Variants in DLGAP2 observed in about 807,000 individuals in gnomAD.
DLGAP2 encodes DLG associated protein 2.
In DLGAP2, 26 loss-of-function variants were observed where a neutral mutation model predicts 100.3. The observed-to-expected ratio is 0.26, with a 90% CI of 0.19 to 0.36. DLGAP2 has a LOEUF of 0.36. Ranked by LOEUF, DLGAP2 falls within the 10% of genes least tolerant of loss-of-function variation. The pLI, the probability that DLGAP2 is intolerant of heterozygous loss-of-function variation, is 1.00. For synonymous variants in DLGAP2, 886 were observed against 630.1 expected (o/e 1.41, Z -6.08); for missense variants, 1,858 against 1,453.2 (o/e 1.28, Z -4.53).
At chr8:1,582,304 A>AAAAGCCCCACACACATG in intron 6 of DLGAP2, among the ~76,000 whole-genome samples, 1 of 113,098 alleles carries the variant, frequency 8.8e-6, no homozygotes, top group Non-Finnish European at 1.8e-5. Context: ...AAGGATACAG[A>AAAAGCCCCACACACATG]TAAAACCTTA....
chr8:889,961 G>T (rs572941441), intron 1 of DLGAP2, among the ~76,000 whole-genome samples: 7 of 152,136 alleles, frequency 4.6e-5, no homozygotes, highest in Non-Finnish European at 1.0e-4. Flanking sequence ...CCCCCGCTGG[G>T]TAGTGTGCTC....
intron 2 of DLGAP2, among the ~76,000 whole-genome samples, chr8:1,212,458 C>T (rs570231752): frequency 6.6e-6 from 1 of 152,136 alleles, no homozygotes; most frequent in Non-Finnish European, 1.5e-5. Flanking sequence ...TATTTGATGT[C>T]TAGTTAGTAT....
At chr8:886,566 T>C (rs772839960) in intron 1 of DLGAP2, among the ~76,000 whole-genome samples, 1 of 152,238 alleles carries the variant, frequency 6.6e-6, no homozygotes, top group Non-Finnish European at 1.5e-5. Flanking sequence ...TTCTGATACG[T>C]TGTCTCTTTG....
intron 3 of DLGAP2, among the ~76,000 whole-genome samples, chr8:1,488,490 G>A (rs1417184216): frequency 2.0e-5 from 3 of 152,180 alleles, no homozygotes; most frequent in Admixed American, 6.5e-5. Context: ...AACGGTGCCT[G>A]GCCCACGTTT....
intron 3 of DLGAP2, among the ~76,000 whole-genome samples, chr8:1,338,398 C>G (rs544362725): frequency 3.9e-5 from 6 of 152,284 alleles, no homozygotes; most frequent in Admixed American, 2.0e-4. Flanking sequence ...CTCAAGTCCA[C>G]CTACTGCATG....
chr8:747,287 T>C (rs1820639731), intron 1 of DLGAP2, among the ~76,000 whole-genome samples: 1 of 152,004 alleles, frequency 6.6e-6, no homozygotes, highest in African/African-American at 2.4e-5. Flanking sequence ...CTGCAAGATA[T>C]CATAAAGCAG....
intron 2 of DLGAP2, among the ~76,000 whole-genome samples, chr8:1,121,518 T>C (rs1168862716): frequency 6.9e-6 from 1 of 145,740 alleles, no homozygotes; most frequent in Non-Finnish European, 1.5e-5. Context: ...CAGAATCCAT[T>C]ACCACCTATC....
intron 3 of DLGAP2, among the ~76,000 whole-genome samples, chr8:1,374,251 A>T: frequency 6.7e-6 from 1 of 149,364 alleles, no homozygotes; most frequent in Non-Finnish European, 1.5e-5. Flanking sequence ...AGGGCTGTGT[A>T]ATGGAGGTTA....
chr8:1,065,970 A>G (rs755077787), intron 2 of DLGAP2, among the ~76,000 whole-genome samples: 9 of 152,192 alleles, frequency 5.9e-5, no homozygotes, highest in Non-Finnish European at 1.0e-4. Context: ...GCCGAGCTGG[A>G]CACTGTCCAG....
intron 1 of DLGAP2, among the ~76,000 whole-genome samples, chr8:801,786 G>T (rs1306970012): frequency 6.6e-6 from 1 of 152,120 alleles, no homozygotes; most frequent in African/African-American, 2.4e-5. Context: ...CTCTCCTGGG[G>T]GTTCACACAG....
In DLGAP2 at chr8:788,095, TC is replaced by T. The variant is rs542028951; in HGVS notation, c.18+50276del. ...CCTCCCATGGCAGCTATGTTGGGTC[TC>T]CCCCCACCAGGAGATCCTGTGTCAT... On this transcript the variant is annotated intron_variant, in intron 1 of 14. Coordinates refer to ENST00000637795, the MANE Select transcript of DLGAP2 (RefSeq NM_001346810.2). 7.2e-5 allele frequency among the ~76,000 whole-genome samples: 11 copies of T among 152,226 alleles called. No individual in the cohort carries two copies. The East Asian group carries it at 1.9e-3, about 27-fold the overall frequency.
At chr8:1,150,236 T>C (rs1279247817) in intron 2 of DLGAP2, among the ~76,000 whole-genome samples, 5 of 152,236 alleles carry the variant, frequency 3.3e-5, no homozygotes, top group Admixed American at 3.3e-4. Flanking sequence ...AAAGATGTTT[T>C]CTCAGCTCTA....
intron 3 of DLGAP2, among the ~76,000 whole-genome samples, chr8:1,499,860 AAATGGCAGAT>A (rs1799657045): frequency 6.6e-6 from 1 of 152,200 alleles, no homozygotes; most frequent in Non-Finnish European, 1.5e-5. Flanking sequence ...AACTTATTGA[AAATGGCAGAT>A]GCCGATTTGT....
intron 1 of DLGAP2, among the ~76,000 whole-genome samples, chr8:903,259 G>A (rs994062012): frequency 6.6e-5 from 10 of 152,112 alleles, no homozygotes; most frequent in Non-Finnish European, 1.5e-4. Flanking sequence ...TACTCAGCAG[G>A]TTGGGGAATA....
chr8:1,565,889 C>T lies in DLGAP2; in HGVS notation c.1437C>T (p.His479=), dbSNP rs762675179. The T allele has an allele frequency of 3.7e-6, 6 of 1,601,978 alleles. No homozygotes were observed. The East Asian group carries it at 1.1e-4, about 30-fold the overall frequency. ...TCGGACAGAGACCGCTTGGAGAGCA[C>T]CAGACGTAAGTGAGACCAGCTGCCT... ...KSIGQRPLGE[H]QTQTYLQAAS... is the part of the protein sequence containing the mutation. The change falls in exon 6 of 15, where the codon CAC becomes CAT. Residue 479 remains histidine, a synonymous_variant. Coordinates refer to ENST00000637795, the MANE Select transcript of DLGAP2 (RefSeq NM_001346810.2).
rs774320515 is a variant in DLGAP2 at position 1,668,608 on chromosome 8, G to T, written c.2090G>T (p.Ser697Ile). ...AGCCAGAGCAGCTCTGTGCGGACCA[G>T]CGACAAGGCCATCCTGGTGTCCAAG... ...PESQSSSVRTSDKAILVSKAE... is the reference protein window; with the variant it reads ...PESQSSSVRTIDKAILVSKAE... Residue 697 changes from serine (S) to isoleucine (I), a missense_variant, in exon 9 of 15, where the codon AGC (serine) becomes ATC (isoleucine). Transcript: ENST00000637795. 12 of 1,600,476 alleles carry T rather than the reference G, an allele frequency of 7.5e-6. No homozygotes were observed. The highest frequency in any genetic ancestry group is 1.0e-5 in the Non-Finnish European group (12 of 1,174,344).
chr8:1,455,038 G>T (rs1024268796), intron 3 of DLGAP2, among the ~76,000 whole-genome samples: 7 of 152,174 alleles, frequency 4.6e-5, no homozygotes, highest in Non-Finnish European at 8.8e-5. Flanking sequence ...GTCTGGGGAG[G>T]GGGGGATACC....
chr8:1,647,729 G>C (rs1016148113), intron 8 of DLGAP2, among the ~76,000 whole-genome samples: 1 of 152,070 alleles, frequency 6.6e-6, no homozygotes, highest in Non-Finnish European at 1.5e-5. Context: ...CCCCTGCCGG[G>C]TCTCTCTCTC....
chr8:1,156,488 G>A (rs1421476456), intron 2 of DLGAP2, among the ~76,000 whole-genome samples: 1 of 151,976 alleles, frequency 6.6e-6, no homozygotes, highest in East Asian at 1.9e-4. Context: ...TGCCTGGGTG[G>A]CACAACCCGT....
Sources: allele counts gnomAD v4.1 joint callset (sites outside exome capture counted in the v4.1 genomes callset), GRCh38; gene constraint gnomAD v4.1.1; transcripts MANE v1.5; gene names NCBI Gene and HGNC (gene_info 2026-07-23, HGNC 2026-07-21).